Variants in ACTN4 observed in about 807,000 individuals in gnomAD.
ACTN4 encodes actinin alpha 4.
ACTN4 carries 18 observed loss-of-function variants against 114.2 expected under a neutral mutation model. The ratio of observed to expected loss-of-function variants is 0.16; its 90% confidence interval spans 0.11 to 0.23. The LOEUF (loss-of-function observed/expected upper bound fraction) is 0.23, where lower values mean the gene tolerates loss of function less well. Ranked by LOEUF, ACTN4 falls within the 10% of genes least tolerant of loss-of-function variation. ACTN4 has a pLI of 1.00. For synonymous variants in ACTN4, 515 were observed against 506.3 expected (o/e 1.02, Z -0.23); for missense variants, 722 against 1,262.9 (o/e 0.57, Z 6.49).
Position 38,718,008 on chromosome 19 carries a change from G to A in ACTN4, c.1225G>A (p.Glu409Lys), listed in dbSNP as rs1273575948. 6.2e-7 allele frequency: 1 copy of A among 1,606,886 alleles called. No individual in the cohort carries two copies. Among genetic ancestry groups the A allele is most frequent in the Non-Finnish European group, 8.5e-7 (1 of 1,176,912 alleles). The change falls in exon 11 of 21, where the codon GAG (glutamate) becomes AAG (lysine). Residue 409 changes from glutamate (E) to lysine (K), a missense_variant. By Grantham distance (56) the Glu-to-Lys change is moderately conservative. Around this residue, in one of 3 missense-constraint regions of ACTN4, gnomAD observed 523 missense variants for 875.9 expected, o/e 0.60. Transcript: ENST00000252699. ...EWLLNEIRRL[E>K]RLDHLAEKFR... ...GCTGCTGAATGAGATCCGCAGGCTG[G>A]AGCGGCTCGACCACCTGGCAGAGAA...
In ACTN4 at chr19:38,731,061, C is replaced by T. The variant is rs1264350349; in HGVS notation, c.*1629C>T. On this transcript the variant is annotated 3_prime_UTR_variant, in exon 21 of 21. Coordinates refer to ENST00000252699, the MANE Select transcript of ACTN4 (RefSeq NM_004924.6). Reference sequence around the variant, plus strand: ...GGGCAGGGTGAGTGCCCACCAGTCCCCGTACCCCTTCCCCCCATGCCCCAC... The same window carrying T: ...GGGCAGGGTGAGTGCCCACCAGTCCTCGTACCCCTTCCCCCCATGCCCCAC... The T allele has an allele frequency of 6.4e-7, 1 of 1,564,206 alleles. No individual in the cohort carries two copies. Among genetic ancestry groups the T allele is most frequent in the South Asian group, 1.2e-5 (1 of 85,540 alleles).
chr19:38,728,523 G>A, intron 19 of ACTN4: 1 of 539,076 alleles, frequency 1.9e-6, no homozygotes, highest in South Asian at 1.7e-5. Flanking sequence ...GAGCAGCGCA[G>A]CCGTGCCTGC....
At chr19:38,729,222 G>A (rs1167410267) in intron 20 of ACTN4, 52 bp from the exon 21 acceptor site, 7 of 1,612,754 alleles carry the variant, frequency 4.3e-6, no homozygotes, top group East Asian at 4.5e-5. Flanking sequence ...AGGGGCTGAG[G>A]GGGCCAGTGT....
intron 13 of ACTN4, 23 bp downstream of exon 13, chr19:38,723,745 C>G (rs1969128280): frequency 6.4e-7 from 1 of 1,572,600 alleles, no homozygotes; most frequent in Non-Finnish European, 8.7e-7. Flanking sequence ...TGACATCACC[C>G]ACGGAGCTCT....
rs772524653 is a variant in ACTN4, at chr19:38,721,698, G to A, written c.1442+10G>A. On this transcript the variant is annotated intron_variant, in intron 12 of 20. Coordinates refer to ENST00000252699, the MANE Select transcript of ACTN4 (RefSeq NM_004924.6). ...TTGCCCAGGAGCTCAAGTACGTGCG[G>A]GCTCAGGACACTATCATCACCTGGC... The A allele has an allele frequency of 2.5e-6, 4 of 1,611,552 alleles. No homozygotes were observed. The East Asian group carries it at 8.9e-5, about 36-fold the overall frequency.
Position 38,718,019 on chromosome 19 carries a change from C to T in ACTN4, c.1236C>T (p.Asp412=), listed in dbSNP as rs754390440. ...AGATCCGCAGGCTGGAGCGGCTCGA[C>T]CACCTGGCAGAGAAGTTCCGGCAGA... ...LNEIRRLERL[D]HLAEKFRQKA... The change falls in exon 11 of 21, where the codon GAC becomes GAT. Residue 412 remains aspartate (D), a synonymous_variant. Transcript: ENST00000252699. 1 of 1,607,390 alleles carries T rather than the reference C, an allele frequency of 6.2e-7. No individual in the cohort carries two copies. The highest frequency in any genetic ancestry group is 8.5e-7 in the Non-Finnish European group (1 of 1,177,288).
intron 1 of ACTN4, among the ~76,000 whole-genome samples, chr19:38,664,836 A>T (rs1454848468): frequency 6.6e-6 from 1 of 152,140 alleles, no homozygotes; most frequent in Non-Finnish European, 1.5e-5. Flanking sequence ...ACATGTTTTG[A>T]GAAGAGAACC....
chr19:38,668,413 C>T (rs1019216808), intron 1 of ACTN4, among the ~76,000 whole-genome samples: 2 of 152,202 alleles, frequency 1.3e-5, no homozygotes, highest in African/African-American at 2.4e-5. Context: ...AAGGGCCAGG[C>T]GCAGTGGCTC....
chr19:38,686,436 C>T lies in ACTN4; in HGVS notation c.163-14164C>T, dbSNP rs994045309. Among the ~76,000 whole-genome samples, 3 of 144,480 alleles carry T rather than the reference C, an allele frequency of 2.1e-5. No individual in the cohort carries two copies. In the Admixed American group the frequency reaches 2.2e-4, roughly 11 times the overall value. The allele number at this position is 144,480 out of a possible 152,430, so 94.8% of individuals were successfully genotyped here. Reference sequence around the variant, plus strand: ...TTGAAAGTAAATGGGGTGTTTGTAGCTCACCCTCCCTGTTCTCCAGGTGAA... The same window carrying T: ...TTGAAAGTAAATGGGGTGTTTGTAGTTCACCCTCCCTGTTCTCCAGGTGAA... On this transcript the variant is annotated intron_variant, in intron 1 of 20. Coordinates refer to ENST00000252699, the MANE Select transcript of ACTN4 (RefSeq NM_004924.6).
chr19:38,660,653 C>A (rs1976857620), intron 1 of ACTN4, among the ~76,000 whole-genome samples: 1 of 152,192 alleles, frequency 6.6e-6, no homozygotes, highest in African/African-American at 2.4e-5. Context: ...GCCTCAGCCA[C>A]CCCAAGTGCT....
At chr19:38,711,291 T>G in intron 8 of ACTN4, 1 of 1,033,246 alleles carries the variant, frequency 9.7e-7, no homozygotes, top group Non-Finnish European at 1.2e-6. Context: ...GTGGGCACTC[T>G]GAGGCCAGAT....
intron 19 of ACTN4, chr19:38,728,348 C>T: frequency 6.9e-7 from 1 of 1,452,868 alleles, no homozygotes; most frequent in Non-Finnish European, 9.2e-7. Context: ...CCGATGACTT[C>T]AGGGCTCTGC....
rs778896506 is a variant in ACTN4, at chr19:38,701,004, G to A, written c.280G>A (p.Glu94Lys). ...LMLLLEVISG[E>K]RLPKPERGKM... ...TTTTCTCTTTGTGCACTTCTCAGGGGAGCGGTTACCTAAGCCGGAGCGGGG... is the reference window on the plus strand; with the variant it reads ...TTTTCTCTTTGTGCACTTCTCAGGGAAGCGGTTACCTAAGCCGGAGCGGGG... The change falls in exon 3 of 21, where the codon GAG (glutamate) becomes AAG (lysine). Residue 94 changes from glutamate to lysine, a missense_variant and splice_region_variant. Around this residue, in one of 3 missense-constraint regions of ACTN4, gnomAD observed 127 missense variants for 311.3 expected, o/e 0.41. Transcript: ENST00000252699. 6.2e-7 allele frequency: 1 copy of A among 1,613,872 alleles called. No individual in the cohort carries two copies. Among genetic ancestry groups the A allele is most frequent in the Non-Finnish European group, 8.5e-7 (1 of 1,180,022 alleles).
At chr19:38,712,425 A>G (rs967195962) in intron 8 of ACTN4, among the ~76,000 whole-genome samples, 10 of 152,120 alleles carry the variant, frequency 6.6e-5, no homozygotes, top group Non-Finnish European at 1.5e-4. Context: ...TCGGTCTCAC[A>G]GGATTGTTCT....
Position 38,721,563 on chromosome 19 carries a change from G to C in ACTN4, c.1317G>C (p.Arg439=). ...GGAAGGAAGCCATGCTGAAGCACCG[G>C]GACTACGAGACGGCCACACTATCGG... ...TDGKEAMLKH[R]DYETATLSDI... Residue 439 remains arginine (R), a synonymous_variant, in exon 12 of 21, where the codon CGG becomes CGC. Transcript: ENST00000252699. The C allele has an allele frequency of 6.2e-7, 1 of 1,614,006 alleles. No individual in the cohort carries two copies. Among genetic ancestry groups the C allele is most frequent in the Non-Finnish European group, 8.5e-7 (1 of 1,180,032 alleles).
At position 38,727,635 on chromosome 19, in the gene ACTN4, C is replaced by T. The variant is rs568966362; in HGVS notation, c.2338-311C>T. ...TCCCAAAGGCAAGGAGAACCCCCCC[C>T]CCGACCCTCCACCAGTCCTGGGACT... On this transcript the variant is annotated intron_variant, in intron 18 of 20. Coordinates refer to ENST00000252699, the MANE Select transcript of ACTN4 (RefSeq NM_004924.6). This position sits in a 1 kb window ranked among gnomAD's most constrained non-coding sequence, Gnocchi z 5.4. 7.8e-5 allele frequency among the ~76,000 whole-genome samples: 11 copies of T among 140,786 alleles called. No individual in the cohort carries two copies. Among genetic ancestry groups the T allele is most frequent in the Non-Finnish European group, 1.6e-4 (10 of 64,076 alleles). The allele number at this position is 140,786 out of a possible 152,430, so 92.4% of individuals were successfully genotyped here. A position where few individuals can be genotyped will look rare whatever the true frequency, so the allele number is the denominator to read the frequency against.
intron 1 of ACTN4, among the ~76,000 whole-genome samples, chr19:38,685,085 A>C (rs552027166): frequency 1.3e-5 from 2 of 152,294 alleles, no homozygotes; most frequent in South Asian, 4.1e-4. Context: ...AGCTGTGATT[A>C]CAGGCACATG....
At position 38,730,920 on chromosome 19, in the gene ACTN4, C is replaced by T. The variant is rs73554721; in HGVS notation, c.*1488C>T. 9.8e-4 allele frequency: 1,512 copies of T among 1,550,558 alleles called. 9 individuals are homozygous for T. The African/African-American group carries it at 0.018, about 19-fold the overall frequency. On this transcript the variant is annotated 3_prime_UTR_variant, in exon 21 of 21. Transcript: ENST00000252699. ...AGACAGTGGCTTGAGGCAGGGAGCT[C>T]GCAGGACAGAGCCTGAGCCACCCTG...
intron 1 of ACTN4, among the ~76,000 whole-genome samples, chr19:38,680,116 C>A (rs533511828): frequency 1.8e-4 from 27 of 151,720 alleles, no homozygotes; most frequent in Non-Finnish European, 3.7e-4. Context: ...TGATGCATCT[C>A]TCTCCCCTAT....
Sources: allele counts gnomAD v4.1 joint callset (sites outside exome capture counted in the v4.1 genomes callset), GRCh38; gene constraint gnomAD v4.1.1; regional missense constraint gnomAD v4.1.1; non-coding constraint Gnocchi (gnomAD v3.1); transcripts MANE v1.5; gene names NCBI Gene and HGNC (gene_info 2026-07-23, HGNC 2026-07-21).